The following TMOD2 variants were observed in gnomAD, a reference collection of about 807,000 sequenced individuals.
TMOD2 encodes the protein tropomodulin 2, also known as tropomodulin-2.
Under a neutral mutation model 39.9 loss-of-function variants are expected in TMOD2, and 22 were observed. The observed-to-expected ratio is 0.55, with a 90% CI of 0.39 to 0.79. The LOEUF (loss-of-function observed/expected upper bound fraction) is 0.79, where lower values mean the gene tolerates loss of function less well. Among genes scored for constraint, TMOD2 ranks in the 30% least tolerant of loss-of-function variants. The probability of loss-of-function intolerance (pLI) is 0.00; values close to 1 mark genes in which losing one functional copy is unlikely to be tolerated. For synonymous variants in TMOD2, 123 were observed against 146.1 expected (o/e 0.84, Z 1.14); for missense variants, 386 against 413.3 (o/e 0.93, Z 0.57).
At chr15:51,765,715 G>A (rs546687888) in intron 1 of TMOD2, among the ~76,000 whole-genome samples, 75 of 152,266 alleles carry the variant, frequency 4.9e-4, no homozygotes, top group Middle Eastern at 3.4e-3. Flanking sequence ...GAATGAATAC[G>A]TAGAACAAAA....
At chr15:51,779,473 C>T (rs1012010918) in intron 5 of TMOD2, among the ~76,000 whole-genome samples, 4 of 151,468 alleles carry the variant, frequency 2.6e-5, no homozygotes, top group African/African-American at 9.7e-5. Flanking sequence ...CTCTGCCTCC[C>T]GGGTTCATGC....
intron 7 of TMOD2, chr15:51,783,684 T>G (rs1176170500): frequency 6.6e-6 from 1 of 151,618 alleles, no homozygotes; most frequent in Non-Finnish European, 1.5e-5. Flanking sequence ...AGCCCAGGAG[T>G]TCTAGGCTGC....
intron 1 of TMOD2, among the ~76,000 whole-genome samples, chr15:51,752,009 G>A (rs374638612): frequency 1.5e-4 from 23 of 151,898 alleles, no homozygotes; most frequent in African/African-American, 5.5e-4. Context: ...GCCGCAGCGG[G>A]GAGGGCGCGG....
chr15:51,798,171 A>T (rs537253920), intron 7 of TMOD2, 26 bp from the exon 8 acceptor site: 1 of 1,561,362 alleles, frequency 6.4e-7, no homozygotes, highest in East Asian at 2.3e-5. Context: ...CTTAATTCTA[A>T]GTTTTTTTTC....
At chr15:51,789,144 A>G (rs2055991618) in intron 7 of TMOD2, among the ~76,000 whole-genome samples, 1 of 152,232 alleles carries the variant, frequency 6.6e-6, no homozygotes, top group Admixed American at 6.5e-5. Context: ...ACATAGGCTC[A>G]AAATAAAGGG....
Position 51,766,544 on chromosome 15 carries a change from G to A in TMOD2, c.103G>A (p.Val35Ile), listed in dbSNP as rs771495422. 14 of 1,613,980 alleles carry A rather than the reference G, an allele frequency of 8.7e-6. No homozygotes were observed. The highest frequency in any genetic ancestry group is 1.1e-5 in the South Asian group (1 of 91,086). The change falls in exon 2 of 10, where the codon GTT (valine) becomes ATT (isoleucine). Residue 35 changes from valine to isoleucine, a missense_variant. Coordinates refer to ENST00000249700, the MANE Select transcript of TMOD2 (RefSeq NM_014548.4). ...SEEELKQLENVLDDLDPESAM... is the reference protein window; with the variant it reads ...SEEELKQLENILDDLDPESAM... ...AGAGGAACTGAAACAGTTGGAAAAT[G>A]TTCTAGATGACCTAGATCCTGAGGT... is the stretch of plus-strand genomic sequence containing the variant.
At chr15:51,795,891 C>T (rs975605483) in intron 7 of TMOD2, among the ~76,000 whole-genome samples, 3 of 137,454 alleles carry the variant, frequency 2.2e-5, no homozygotes, top group African/African-American at 5.3e-5. Flanking sequence ...TGTCTCTCTC[C>T]GCCGCCCCCC....
intron 8 of TMOD2, among the ~76,000 whole-genome samples, chr15:51,803,168 CTTTTTT>C (rs771354231): frequency 1.1e-5 from 1 of 95,228 alleles, no homozygotes; most frequent in Admixed American, 1.2e-4. Context: ...TCTATATCTT[CTTTTTT>C]TTTTTTTTTT....
chr15:51,807,465 G>A (rs1032267780), intron 9 of TMOD2, among the ~76,000 whole-genome samples: 2 of 152,216 alleles, frequency 1.3e-5, no homozygotes, highest in East Asian at 1.9e-4. Context: ...GGCTGGACAC[G>A]TGACAGTGCT....
At position 51,788,632 on chromosome 15, in the gene TMOD2, G is replaced by A. The variant is rs191821334; in HGVS notation, c.732+5804G>A. Among the ~76,000 whole-genome samples the A allele has an allele frequency of 2.3e-3, 344 of 152,292 alleles. 2 individuals are homozygous for A. Among genetic ancestry groups the A allele is most frequent in the East Asian group, 2.1e-3 (11 of 5,192 alleles). On this transcript the variant is annotated intron_variant, in intron 7 of 9. Transcript: ENST00000249700. ...TAAGGGCAGCCAGAGAGAAAGGTTG[G>A]GTTAAGCACAAAGGGAAGTCCATCA...
chr15:51,761,684 T>TG (rs2141614042), intron 1 of TMOD2, among the ~76,000 whole-genome samples: 1 of 150,478 alleles, frequency 6.6e-6, no homozygotes, highest in East Asian at 2.0e-4. Context: ...CAGTTAGCTA[T>TG]GATCAAGCCA....
chr15:51,773,592 G>T (rs1422781698), intron 3 of TMOD2, 120 bp from the exon 4 acceptor site: 5 of 964,134 alleles, frequency 5.2e-6, no homozygotes, highest in Non-Finnish European at 7.5e-6. Flanking sequence ...ATCTCGGTTG[G>T]ATATGAACTG....
At chr15:51,777,873 T>C (rs983262159) in intron 5 of TMOD2, among the ~76,000 whole-genome samples, 3 of 152,096 alleles carry the variant, frequency 2.0e-5, no homozygotes, top group Admixed American at 6.5e-5. Flanking sequence ...ATAGGAACAC[T>C]TTTACACTGT....
chr15:51,770,395 G>A (rs773590648), intron 3 of TMOD2, among the ~76,000 whole-genome samples: 6 of 152,098 alleles, frequency 3.9e-5, no homozygotes, highest in African/African-American at 1.4e-4. Context: ...ACTTACTTTG[G>A]TTTTTGCATG....
intron 8 of TMOD2, among the ~76,000 whole-genome samples, chr15:51,803,929 A>G (rs899783917): frequency 6.6e-6 from 1 of 152,280 alleles, no homozygotes; most frequent in Non-Finnish European, 1.5e-5. Flanking sequence ...ATAAATTTTC[A>G]CCAACTGTAT....
rs1567238445 is a variant in TMOD2 at position 51,773,814 on chromosome 15, C to T, written c.386C>T (p.Thr129Ile). 2.5e-6 allele frequency: 4 copies of T among 1,611,410 alleles called. No homozygotes were observed. Among genetic ancestry groups the T allele is most frequent in the Admixed American group, 3.4e-5 (2 of 59,292 alleles). Residue 129 changes from threonine to isoleucine, a missense_variant, in exon 4 of 10, where the codon ACC (threonine) becomes ATC (isoleucine). By Grantham distance (89) the Thr-to-Ile change is moderately conservative (BLOSUM62 -1). Coordinates refer to ENST00000249700, the MANE Select transcript of TMOD2 (RefSeq NM_014548.4). ...LEEALASASD[T>I]ELYDLAAVLG... ...GAAGCTTTGGCCAGTGCCTCTGACA[C>T]CGAACTCTATGATCTTGCAGGTTAG...
intron 7 of TMOD2, among the ~76,000 whole-genome samples, chr15:51,793,032 A>G (rs1325051941): frequency 6.6e-6 from 1 of 152,160 alleles, no homozygotes; most frequent in Non-Finnish European, 1.5e-5. Context: ...GAAATAAAAC[A>G]TGAGCCACAA....
At chr15:51,782,189 G>A (rs1470540838) in intron 6 of TMOD2, among the ~76,000 whole-genome samples, 2 of 152,234 alleles carry the variant, frequency 1.3e-5, no homozygotes, top group Non-Finnish European at 2.9e-5. Context: ...ACACTAAACA[G>A]ATAATTATAA....
intron 7 of TMOD2, 39 bp downstream of exon 7, chr15:51,782,867 A>C (rs1215357294): frequency 6.4e-7 from 1 of 1,553,960 alleles, no homozygotes; most frequent in East Asian, 2.2e-5. Context: ...GAAGTTATTT[A>C]ATTCACTGGA....
Sources: gnomAD v4.1 joint callset for allele counts (sites outside exome capture counted in the v4.1 genomes callset) on GRCh38, gnomAD v4.1.1 for gene constraint, MANE v1.5 for transcripts, NCBI Gene and HGNC (gene_info 2026-07-23, HGNC 2026-07-21) for gene names.